Variants in HEBP2 observed in about 807,000 individuals in gnomAD.
The protein encoded by HEBP2 is heme binding protein 2.
HEBP2 carries 27 observed loss-of-function variants against 23.1 expected under a neutral mutation model. The ratio of observed to expected loss-of-function variants is 1.17; its 90% confidence interval spans 0.86 to 1.61. The LOEUF is 1.61. HEBP2 is among the 40% of genes most tolerant of loss of function. HEBP2 has a pLI of 0.00. For synonymous variants in HEBP2, 99 were observed against 95.1 expected (o/e 1.04, Z -0.24); for missense variants, 245 against 253.8 (o/e 0.97, Z 0.24).
In HEBP2 at chr6:138,417,641, A is replaced by C. The variant is rs937158703; in HGVS notation, c.*4563A>C. ...GACCAGTGGTCCTGCTGTGTTGAGG[A>C]GATGGAGATCAGTGTCACCGGAGGC... On this transcript the variant is annotated 3_prime_UTR_variant, in exon 4 of 4. Coordinates refer to ENST00000607197, the MANE Select transcript of HEBP2 (RefSeq NM_014320.3). 1.3e-5 allele frequency: 2 copies of C among 152,510 alleles called. No homozygotes were observed. The highest frequency in any genetic ancestry group is 2.4e-5 in the African/African-American group (1 of 41,448). The allele number at this position is 152,510 out of a possible 1,614,324, so 9.4% of individuals were successfully genotyped here.
At chr6:138,403,640 C>G, upstream of HEBP2, 1 of 433,478 alleles carries the variant, frequency 2.3e-6, no homozygotes, top group Non-Finnish European at 4.1e-6. Flanking sequence ...TCGGCCTGGC[C>G]GGCGGAAAGG....
In HEBP2 at chr6:138,404,294, C is replaced by G. The variant is rs1336725667; in HGVS notation, c.-202C>G. On this transcript the variant is annotated 5_prime_UTR_variant, in exon 1 of 4. Transcript: ENST00000607197. ...GAGCTGTCCGGGGTCGTGAGCCGGCCCCGCCTTGGTGGCGGCGCCCCCTCG... is the reference window on the plus strand; with the variant it reads ...GAGCTGTCCGGGGTCGTGAGCCGGCGCCGCCTTGGTGGCGGCGCCCCCTCG... The G allele has an allele frequency of 1.5e-5, 5 of 338,756 alleles. No homozygotes were observed. Among genetic ancestry groups the G allele is most frequent in the Non-Finnish European group, 2.6e-5 (5 of 188,974 alleles). The allele number at this position is 338,756 out of a possible 1,614,324, so 21.0% of individuals were successfully genotyped here.
intron 2 of HEBP2, among the ~76,000 whole-genome samples, chr6:138,405,602 G>A (rs1028092917): frequency 2.0e-5 from 3 of 152,184 alleles, no homozygotes; most frequent in Admixed American, 2.0e-4. Context: ...AAGATTAGAA[G>A]CATCAAGTCA....
intron 3 of HEBP2, among the ~76,000 whole-genome samples, chr6:138,409,343 C>G (rs1774704665): frequency 6.6e-6 from 1 of 152,158 alleles, no homozygotes; most frequent in African/African-American, 2.4e-5. Context: ...AAGGAATTTA[C>G]AGTCACCATC....
rs375710132 is a variant in HEBP2, at chr6:138,419,064, C to T, written c.*5986C>T. ...CCACCAGAGAAGAGGCACTAAACAA[C>T]CAAGTAGATGAAATGACTTAGCCTG... On this transcript the variant is annotated 3_prime_UTR_variant, in exon 4 of 4. Transcript: ENST00000607197. The T allele has an allele frequency of 6.6e-6, 1 of 151,820 alleles. No homozygotes were observed. Among genetic ancestry groups the T allele is most frequent in the Non-Finnish European group, 1.5e-5 (1 of 67,964 alleles). The allele number at this position is 151,820 out of a possible 1,614,324, so 9.4% of individuals were successfully genotyped here.
rs12208658 is a variant in HEBP2, at chr6:138,421,035, G to T, written c.*7957G>T. On this transcript the variant is annotated 3_prime_UTR_variant, in exon 4 of 4. Transcript: ENST00000607197. ...CTTGTTCTGTGAATAAAGGCTGGCC[G>T]CTGTGGAAGGTAGGTCAGAGCAGGC... 1 of 152,022 alleles carries T rather than the reference G, an allele frequency of 6.6e-6. No homozygotes were observed. The highest frequency in any genetic ancestry group is 2.4e-5 in the African/African-American group (1 of 41,376). 9.4% of individuals were successfully genotyped at this position (152,022 alleles called of 1,614,324 possible). A position where few individuals can be genotyped will look rare whatever the true frequency, so the allele number is the denominator to read the frequency against.
At position 138,405,158 on chromosome 6, in the gene HEBP2, A is replaced by G; in HGVS notation, c.116A>G (p.Glu39Gly). 7 of 1,611,632 alleles carry G rather than the reference A, an allele frequency of 4.3e-6. No individual in the cohort carries two copies. Among genetic ancestry groups the G allele is most frequent in the African/African-American group, 2.7e-5 (2 of 74,852 alleles). Residue 39 changes from glutamate (E) to glycine (G), a missense_variant, in exon 2 of 4, where the codon GAG becomes GGG. By Grantham distance (98) the Glu-to-Gly change is moderately conservative. Transcript: ENST00000607197. ...EDAGPQPGSY[E>G]IRHYGPAKWV... ...GTTCCACTTTAGCCCGGAAGTTATG[A>G]GATCCGACACTATGGACCAGCCAAG...
chr6:138,404,847 G>C (rs546362210), intron 1 of HEBP2, among the ~76,000 whole-genome samples: 46 of 152,260 alleles, frequency 3.0e-4, no homozygotes, highest in Admixed American at 2.6e-3. Context: ...TTACGTCCCA[G>C]AACGCGCGGT....
Position 138,406,049 on chromosome 6 carries a change from C to T in HEBP2, c.317C>T (p.Thr106Ile), listed in dbSNP as rs150408333. The change falls in exon 3 of 4, where the codon ACC (threonine) becomes ATC (isoleucine). Residue 106 changes from threonine to isoleucine, a missense_variant. Coordinates refer to ENST00000607197, the MANE Select transcript of HEBP2 (RefSeq NM_014320.3). Reference protein sequence around the residue: ...GSGPFSESTITISLYIPSEQQ... With the variant: ...GSGPFSESTIIISLYIPSEQQ... ...GGTCCTTTTAGTGAGTCTACCATTA[C>T]CATTTCCCTGTATATTCCCTCTGAA... 260 of 1,614,124 alleles carry T rather than the reference C, an allele frequency of 1.6e-4. No individual in the cohort carries two copies. The highest frequency in any genetic ancestry group is 2.1e-4 in the Non-Finnish European group (244 of 1,179,962).
At position 138,415,358 on chromosome 6, in the gene HEBP2, G is replaced by A. The variant is rs1000138453; in HGVS notation, c.*2280G>A. The A allele has an allele frequency of 6.6e-6, 1 of 152,128 alleles. No individual in the cohort carries two copies. The highest frequency in any genetic ancestry group is 2.4e-5 in the African/African-American group (1 of 41,400). 9.4% of individuals were successfully genotyped at this position (152,128 alleles called of 1,614,324 possible). ...AGGCCCCCATCCCTGGTGGATAGGT[G>A]GCACAGACAGTCCCTGGCACAAGAA... On this transcript the variant is annotated 3_prime_UTR_variant, in exon 4 of 4. Coordinates refer to ENST00000607197, the MANE Select transcript of HEBP2 (RefSeq NM_014320.3).
upstream of HEBP2, chr6:138,404,106 A>T (rs1296610978): frequency 4.7e-6 from 1 of 212,848 alleles, no homozygotes; most frequent in East Asian, 1.0e-4. Context: ...GTTGCACAGA[A>T]ACAGCGCCAC....
rs577826327 is a variant in HEBP2, at chr6:138,413,275, A to C, written c.*197A>C. 5.6e-6 allele frequency: 3 copies of C among 537,460 alleles called. No individual in the cohort carries two copies. The highest frequency in any genetic ancestry group is 9.9e-6 in the Non-Finnish European group (3 of 301,842). The allele number at this position is 537,460 out of a possible 1,614,324, so 33.3% of individuals were successfully genotyped here. A position where few individuals can be genotyped will look rare whatever the true frequency, so the allele number is the denominator to read the frequency against. On this transcript the variant is annotated 3_prime_UTR_variant, in exon 4 of 4. Coordinates refer to ENST00000607197, the MANE Select transcript of HEBP2 (RefSeq NM_014320.3). ...GGTAACAGAGGACAGTAGTCTGTAA[A>C]CATATAAATCGGTCATAACTATCGT...
chr6:138,405,364 T>C, intron 2 of HEBP2, 84 bp downstream of exon 2: 1 of 1,518,676 alleles, frequency 6.6e-7, no homozygotes, highest in South Asian at 1.2e-5. Flanking sequence ...TAAAGAAATA[T>C]CCTTTATAAT....
At chr6:138,412,658 T>G (rs1774766949) in intron 3 of HEBP2, among the ~76,000 whole-genome samples, 2 of 152,176 alleles carry the variant, frequency 1.3e-5, no homozygotes. Flanking sequence ...TTTACCATGT[T>G]GGCCAGGCTG....
intron 3 of HEBP2, among the ~76,000 whole-genome samples, chr6:138,409,739 A>G (rs1292832010): frequency 1.3e-5 from 2 of 152,136 alleles, no homozygotes; most frequent in African/African-American, 2.4e-5. Flanking sequence ...CACACGGTGC[A>G]CAGTGCCACA....
chr6:138,408,683 G>A (rs1404230530), intron 3 of HEBP2, among the ~76,000 whole-genome samples: 4 of 152,120 alleles, frequency 2.6e-5, no homozygotes, highest in African/African-American at 9.7e-5. Context: ...TTAACTTTCA[G>A]AGTGTCACTC....
upstream of HEBP2, chr6:138,403,569 A>G: frequency 2.1e-6 from 1 of 471,314 alleles, no homozygotes; most frequent in Non-Finnish European, 3.8e-6. Context: ...CCACGATGGG[A>G]GTCCTCTGGG....
At position 138,412,939 on chromosome 6, in the gene HEBP2, G is replaced by A; in HGVS notation, c.479G>A (p.Ser160Asn). 3.1e-6 allele frequency: 5 copies of A among 1,614,170 alleles called. No individual in the cohort carries two copies. The highest frequency in any genetic ancestry group is 4.2e-6 in the Non-Finnish European group (5 of 1,180,012). ...KNQEQLLTLA[S>N]ILREDGKVFD... ...CAAGAACAACTTTTGACATTAGCAA[G>A]CATTTTAAGGGAAGATGGAAAAGTT... The change falls in exon 4 of 4, where the codon AGC (serine) becomes AAC (asparagine). Residue 160 changes from serine to asparagine, a missense_variant. Physicochemically the swap from Ser to Asn is conservative, Grantham distance 46 (BLOSUM62 1). Coordinates refer to ENST00000607197, the MANE Select transcript of HEBP2 (RefSeq NM_014320.3).
At chr6:138,412,706 G>A (rs1774768471) in intron 3 of HEBP2, among the ~76,000 whole-genome samples, 174 bp from the exon 4 acceptor site, 1 of 152,156 alleles carries the variant, frequency 6.6e-6, no homozygotes. Context: ...CGCCCACCTT[G>A]GCCTCCCAAA....
Sources: allele counts gnomAD v4.1 joint callset (sites outside exome capture counted in the v4.1 genomes callset), GRCh38; gene constraint gnomAD v4.1.1; transcripts MANE v1.5; gene names NCBI Gene and HGNC (gene_info 2026-07-23, HGNC 2026-07-21).